The following LATS1 variants were observed in gnomAD, a reference collection of about 807,000 sequenced individuals.
The protein encoded by LATS1 is serine/threonine-protein kinase LATS1.
LATS1 carries 25 observed loss-of-function variants against 106.6 expected under a neutral mutation model. That is an observed-to-expected ratio of 0.23 (90% CI 0.17 to 0.33). The LOEUF is 0.33. Among genes scored for constraint, LATS1 ranks in the 10% least tolerant of loss-of-function variants. The pLI is 1.00. For missense variants in LATS1, 1,040 were observed against 1,382.6 expected, an observed-to-expected ratio of 0.75 and a Z score of 3.93; for synonymous variants, 465 against 455.6, an observed-to-expected ratio of 1.02 and a Z score of -0.26.
At chr6:149,702,835 C>T (rs757199911) in intron 1 of LATS1, among the ~76,000 whole-genome samples, 1 of 152,080 alleles carries the variant, frequency 6.6e-6, no homozygotes, top group Non-Finnish European at 1.5e-5. Flanking sequence ...CCACGCCCAG[C>T]TAACTTTTTT....
chr6:149,679,843 C>CAA (rs773055866), intron 5 of LATS1, 32 bp downstream of exon 5: 2 of 1,417,058 alleles, frequency 1.4e-6, no homozygotes, highest in South Asian at 2.8e-5. Flanking sequence ...TTATTATGAA[C>CAA]AAACTAAAAT....
rs1783111073 is a variant in LATS1 at position 149,696,728 on chromosome 6, A to C, written c.349-1507T>G. 2.0e-5 allele frequency among the ~76,000 whole-genome samples: 3 copies of C among 152,270 alleles called. No individual in the cohort carries two copies. The South Asian group carries it at 6.2e-4, about 32-fold the overall frequency. ...ATACAAATATAAGACAAAAGAAGAT[A>C]CTTAGACTATATATGATTATGTGAT... On this transcript the variant is annotated intron_variant, in intron 2 of 7. Transcript: ENST00000543571.
At position 149,678,176 on chromosome 6, in the gene LATS1, A is replaced by C. The variant is rs1442405277; in HGVS notation, c.2594-1439T>G. Among the ~76,000 whole-genome samples the C allele has an allele frequency of 2.4e-3, 353 of 145,862 alleles. 3 individuals carry two copies. Among genetic ancestry groups the C allele is most frequent in the Middle Eastern group, 6.9e-3 (2 of 290 alleles). On this transcript the variant is annotated intron_variant, in intron 5 of 7. Coordinates refer to ENST00000543571, the MANE Select transcript of LATS1 (RefSeq NM_004690.4). ...TCTACTAAAAATCCAAAAAAAAAAA[A>C]AAAAAAAAAAAAAAAAAAATAGCCG... is the stretch of plus-strand genomic sequence containing the variant.
chr6:149,674,997 T>C (rs979729668), intron 7 of LATS1, among the ~76,000 whole-genome samples: 1 of 151,826 alleles, frequency 6.6e-6, no homozygotes, highest in African/African-American at 2.4e-5. Context: ...GGCGGGCAGA[T>C]CACAAGTTCA....
At chr6:149,695,996 C>T (rs1443550118) in intron 2 of LATS1, among the ~76,000 whole-genome samples, 1 of 151,696 alleles carries the variant, frequency 6.6e-6, no homozygotes, top group African/African-American at 2.4e-5. Flanking sequence ...ACTTCTACCT[C>T]CTGGGCTCAA....
chr6:149,686,446 A>G, intron 3 of LATS1, among the ~76,000 whole-genome samples: 1 of 151,948 alleles, frequency 6.6e-6, no homozygotes, highest in East Asian at 1.9e-4. Context: ...AGAGCTCTCC[A>G]TGTTCTTCCA....
Position 149,684,149 on chromosome 6 carries a change from TAGG to T in LATS1, c.937_939del (p.Pro313del). 1 of 1,614,124 alleles carries T rather than the reference TAGG, an allele frequency of 6.2e-7. No individual in the cohort carries two copies. The highest frequency in any genetic ancestry group is 8.5e-7 in the Non-Finnish European group (1 of 1,180,012). The stretch of plus-strand genomic sequence containing the variant: ...GAACTAATGCCTCTCTGTCCTTGAT[TAGG>T]AGGATTCATGGGGGAAGTGTTGAGA... On this transcript the variant is annotated inframe_deletion, in exon 4 of 8. Transcript: ENST00000543571.
At chr6:149,673,155 G>A (rs541470737) in intron 7 of LATS1, among the ~76,000 whole-genome samples, 8 of 144,704 alleles carry the variant, frequency 5.5e-5, no homozygotes, top group African/African-American at 1.8e-4. Flanking sequence ...GGAGTGCAGT[G>A]GTATAATCAT....
rs1562328883 is a variant in LATS1, at chr6:149,680,260, AAG to A, written c.2206_2207del (p.Leu736SerfsTer15). ...TTCGAAGAAGAACATCTTTCTTTCG[AAG>A]AGTTTTTGTTGCATACAAAGCCTTA... Reference protein sequence around the residue: ...DTKALYATKTLRKKDVLLRNQ... With the variant: ...DTKALYATKTXRKKDVLLRNQ... On this transcript the variant is annotated frameshift_variant, in exon 5 of 8. Coordinates refer to ENST00000543571, the MANE Select transcript of LATS1 (RefSeq NM_004690.4). LOFTEE classifies it high-confidence loss of function. 1 of 1,613,986 alleles carries A rather than the reference AAG, an allele frequency of 6.2e-7. No individual in the cohort carries two copies. The highest frequency in any genetic ancestry group is 1.7e-5 in the Admixed American group (1 of 60,014).
intron 7 of LATS1, among the ~76,000 whole-genome samples, chr6:149,671,330 C>T (rs937032355): frequency 4.0e-5 from 6 of 151,850 alleles, no homozygotes; most frequent in East Asian, 1.9e-4. Flanking sequence ...GACGGGGTTT[C>T]GCCATGTTGA....
chr6:149,706,909 A>G (rs780682610), intron 1 of LATS1, among the ~76,000 whole-genome samples: 25 of 152,278 alleles, frequency 1.6e-4, no homozygotes, highest in East Asian at 1.9e-4. Context: ...GATTTGTTAC[A>G]TAAGACACAG....
In LATS1 at chr6:149,701,990, T is replaced by C; in HGVS notation, c.137A>G (p.Asp46Gly). ...CATGTTATGCTCAGCCTTAGCAGCA[T>C]CAGATGGTTTAGATAAATTCCTAAG... ...ESLRNLSKPS[D>G]AAKAEHNMSK... The change falls in exon 2 of 8, where the codon GAT becomes GGT. Residue 46 changes from aspartate (D) to glycine (G), a missense_variant. By Grantham distance (94) the Asp-to-Gly change is moderately conservative (BLOSUM62 -1). Coordinates refer to ENST00000543571, the MANE Select transcript of LATS1 (RefSeq NM_004690.4). 3 of 1,614,200 alleles carry C rather than the reference T, an allele frequency of 1.9e-6. No homozygotes were observed. Among genetic ancestry groups the C allele is most frequent in the Non-Finnish European group, 2.5e-6 (3 of 1,180,026 alleles).
At chr6:149,677,584 C>T (rs1013156148) in intron 5 of LATS1, among the ~76,000 whole-genome samples, 8 of 151,948 alleles carry the variant, frequency 5.3e-5, no homozygotes, top group African/African-American at 1.9e-4. Flanking sequence ...GTTTGAAAGG[C>T]CTATTTGAAA....
chr6:149,679,549 CAA>C (rs57395928), intron 5 of LATS1, among the ~76,000 whole-genome samples: 72 of 66,138 alleles, frequency 1.1e-3, no homozygotes, highest in Admixed American at 9.3e-4. Flanking sequence ...GAGACTCCAT[CAA>C]AAAAAAAAAA....
chr6:149,695,091 T>TTAA lies in LATS1; in HGVS notation c.476_478dup (p.Ile159dup). ...TTAATCACCTGGTTTCATGCTGGCA[T>TTAA]TAATAGGTCTGGCAGCTGCTGCAGC... On this transcript the variant is annotated inframe_insertion, in exon 3 of 8. Coordinates refer to ENST00000543571, the MANE Select transcript of LATS1 (RefSeq NM_004690.4). 2 of 1,600,784 alleles carry TTAA rather than the reference T, an allele frequency of 1.2e-6. No homozygotes were observed. The highest frequency in any genetic ancestry group is 1.7e-6 in the Non-Finnish European group (2 of 1,175,838).
At chr6:149,715,019 T>C (rs2115034128) in intron 1 of LATS1, among the ~76,000 whole-genome samples, 3 of 152,284 alleles carry the variant, frequency 2.0e-5, no homozygotes, top group Middle Eastern at 6.8e-3. Context: ...ATACCGATAT[T>C]GAATTTCATC....
chr6:149,682,472 C>T (rs111568839), intron 4 of LATS1, among the ~76,000 whole-genome samples: 7,636 of 147,012 alleles, frequency 0.052, 526 homozygotes, highest in African/African-American at 0.15. Flanking sequence ...AGTGCAGTGG[C>T]GCGATCTCGG....
chr6:149,684,514 G>A lies in LATS1; in HGVS notation c.575C>T (p.Pro192Leu), dbSNP rs144805744. Residue 192 changes from proline to leucine, a missense_variant, in exon 4 of 8, where the codon CCG becomes CTG. Around this residue, in one of 7 missense-constraint regions of LATS1, gnomAD observed 624 missense variants for 714.8 expected, o/e 0.87. Coordinates refer to ENST00000543571, the MANE Select transcript of LATS1 (RefSeq NM_004690.4). ...ATAGGCCACACTTTCTCCTAGTGGC[G>A]GGCCATGCCTCTGAGGAACTAAGGA... ...KESLVPQRHGPPLGESVAYHS... is the reference protein window; with the variant it reads ...KESLVPQRHGLPLGESVAYHS... The A allele has an allele frequency of 1.4e-4, 218 of 1,613,942 alleles. 1 individual carries two copies. In the Middle Eastern group the frequency reaches 2.5e-3, roughly 18 times the overall value.
At chr6:149,716,506 C>T (rs1441020272) in intron 1 of LATS1, 2 of 152,090 alleles carry the variant, frequency 1.3e-5, no homozygotes, top group Non-Finnish European at 2.9e-5. Flanking sequence ...GTAAATAAAA[C>T]ATCTAAAATA....
Sources: gnomAD v4.1 joint callset for allele counts (sites outside exome capture counted in the v4.1 genomes callset) on GRCh38, gnomAD v4.1.1 for gene constraint, gnomAD v4.1.1 regional missense constraint, MANE v1.5 for transcripts, NCBI Gene and HGNC (gene_info 2026-07-23, HGNC 2026-07-21) for gene names.